GAREM1: variants seen among roughly 807,000 people sequenced by gnomAD.
GAREM1 encodes GRB2 associated regulator of MAPK1 subtype 1.
In GAREM1, 26 loss-of-function variants were observed where a neutral mutation model predicts 71.3. The ratio of observed to expected loss-of-function variants is 0.36; its 90% CI spans 0.27 to 0.51. The LOEUF (loss-of-function observed/expected upper bound fraction) is 0.51, where lower values mean the gene tolerates loss of function less well. Ranked by LOEUF, GAREM1 falls within the 20% of genes least tolerant of loss-of-function variation. The probability of loss-of-function intolerance (pLI) is 0.95; values close to 1 mark genes in which losing one functional copy is unlikely to be tolerated. For synonymous variants in GAREM1, 440 were observed against 433.2 expected (o/e 1.02, Z -0.20); for missense variants, 1,026 against 1,103.1 (o/e 0.93, Z 0.99).
intron 4 of GAREM1, among the ~76,000 whole-genome samples, chr18:32,271,770 C>T (rs2041466792): frequency 6.6e-6 from 1 of 152,174 alleles, no homozygotes; most frequent in South Asian, 2.1e-4. Context: ...CTGTGCTGTC[C>T]ATGGCTTCTC....
intron 2 of GAREM1, among the ~76,000 whole-genome samples, chr18:32,343,346 G>C (rs1260258581): frequency 1.7e-5 from 2 of 119,708 alleles, no homozygotes; most frequent in African/African-American, 6.7e-5. Flanking sequence ...ACAGAGTCTT[G>C]CTCTGTAGCC....
At chr18:32,393,855 A>C (rs1195368065) in intron 1 of GAREM1, among the ~76,000 whole-genome samples, 1 of 152,220 alleles carries the variant, frequency 6.6e-6, no homozygotes, top group African/African-American at 2.4e-5. Context: ...CATTAATCCT[A>C]GTTTAGTAAT....
At position 32,287,166 on chromosome 18, in the gene GAREM1, T is replaced by A. The variant is rs763185127; in HGVS notation, c.1431A>T (p.Arg477Ser). ...GGACAGAACCTCTAAACTGATCACA[T>A]CTGTTCTTCTCGCTCAGAGAGCGAG... ...PLTRSLSEKN[R>S]CDQFRGSVRS... Residue 477 changes from arginine (R) to serine (S), a missense_variant, in exon 4 of 6, where the codon AGA becomes AGT. This residue lies in a region of GAREM1 where 636 missense variants were observed against 631.2 expected (regional missense o/e 1.01). Coordinates refer to ENST00000269209, the MANE Select transcript of GAREM1 (RefSeq NM_001242409.2). This position sits in a 1 kb window ranked among gnomAD's most constrained non-coding sequence, Gnocchi z 5.9. The A allele has an allele frequency of 6.2e-7, 1 of 1,614,204 alleles. No individual in the cohort carries two copies. The highest frequency in any genetic ancestry group is 8.5e-7 in the Non-Finnish European group (1 of 1,180,032).
chr18:32,445,873 G>A (rs2048781481), intron 1 of GAREM1, among the ~76,000 whole-genome samples: 1 of 152,072 alleles, frequency 6.6e-6, no homozygotes, highest in African/African-American at 2.4e-5. Flanking sequence ...AAAAAATATA[G>A]GTTAAGGCAA....
At chr18:32,307,667 G>A (rs188477461) in intron 3 of GAREM1, among the ~76,000 whole-genome samples, 12 of 152,196 alleles carry the variant, frequency 7.9e-5, no homozygotes, top group African/African-American at 2.9e-4. Context: ...GGGATTAGAG[G>A]TGTGTGCCAC....
At chr18:32,314,093 T>G (rs932673296) in intron 2 of GAREM1, among the ~76,000 whole-genome samples, 9 of 150,172 alleles carry the variant, frequency 6.0e-5, no homozygotes, top group Non-Finnish European at 8.8e-5. Context: ...AAAAAAAGTT[T>G]TTTTTTTTTT....
intron 1 of GAREM1, among the ~76,000 whole-genome samples, chr18:32,446,769 A>G (rs2048789704): frequency 6.6e-6 from 1 of 152,168 alleles, no homozygotes; most frequent in Admixed American, 6.5e-5. Context: ...TGCTTCCATC[A>G]ACACTTTTTC....
intron 2 of GAREM1, among the ~76,000 whole-genome samples, chr18:32,370,937 C>T (rs2047971903): frequency 6.6e-6 from 1 of 152,126 alleles, no homozygotes; most frequent in Non-Finnish European, 1.5e-5. Context: ...CAAGCCAGAT[C>T]CTCTGACAGG....
At chr18:32,318,754 G>T (rs1193588199) in intron 2 of GAREM1, among the ~76,000 whole-genome samples, 1 of 152,120 alleles carries the variant, frequency 6.6e-6, no homozygotes, top group Non-Finnish European at 1.5e-5. Context: ...CAAATAAAAA[G>T]AAATGGAATG....
At chr18:32,346,995 C>T (rs561280037) in intron 2 of GAREM1, among the ~76,000 whole-genome samples, 1 of 152,150 alleles carries the variant, frequency 6.6e-6, no homozygotes, top group South Asian at 2.1e-4. Context: ...CACTACATTT[C>T]TGTTTGGAAA....
At chr18:32,412,030 T>C (rs2048424209) in intron 1 of GAREM1, among the ~76,000 whole-genome samples, 1 of 152,186 alleles carries the variant, frequency 6.6e-6, no homozygotes, top group African/African-American at 2.4e-5. Flanking sequence ...TGTTATACAA[T>C]TAGTCACAAA....
intron 2 of GAREM1, among the ~76,000 whole-genome samples, chr18:32,338,918 T>C (rs1293761115): frequency 1.3e-5 from 2 of 152,150 alleles, no homozygotes; most frequent in African/African-American, 4.8e-5. Context: ...CCCTCTATAA[T>C]GTGCGAGGGG....
chr18:32,458,782 A>C (rs914402303), intron 1 of GAREM1, among the ~76,000 whole-genome samples: 1 of 152,216 alleles, frequency 6.6e-6, no homozygotes, highest in Non-Finnish European at 1.5e-5. Flanking sequence ...AGGCAAAACA[A>C]AAAAAAGAAC....
At chr18:32,415,638 C>T (rs2048459263) in intron 1 of GAREM1, among the ~76,000 whole-genome samples, 1 of 152,084 alleles carries the variant, frequency 6.6e-6, no homozygotes, top group Middle Eastern at 3.4e-3. Flanking sequence ...GGTCATTTTA[C>T]TGATGCTGAA....
chr18:32,327,683 C>T (rs930505539), intron 2 of GAREM1, among the ~76,000 whole-genome samples: 4 of 152,162 alleles, frequency 2.6e-5, no homozygotes, highest in Non-Finnish European at 5.9e-5. Flanking sequence ...AAATGCACAA[C>T]GTGGTGTTCA....
chr18:32,463,191 A>G (rs1336462368), intron 1 of GAREM1, among the ~76,000 whole-genome samples: 3 of 152,184 alleles, frequency 2.0e-5, no homozygotes, highest in African/African-American at 4.8e-5. Context: ...TACTCCATAA[A>G]TATGTATTAA....
intron 1 of GAREM1, among the ~76,000 whole-genome samples, chr18:32,411,189 G>T (rs2048412730): frequency 2.0e-5 from 3 of 152,266 alleles, no homozygotes; most frequent in Admixed American, 1.3e-4. Flanking sequence ...TGTCTAATAA[G>T]AAAATGCACT....
chr18:32,318,794 G>T (rs2047404459), intron 2 of GAREM1, among the ~76,000 whole-genome samples: 2 of 152,144 alleles, frequency 1.3e-5, no homozygotes, highest in South Asian at 2.1e-4. Flanking sequence ...TCCATCTGTG[G>T]ACCCACAACT....
chr18:32,287,751 C>T lies in GAREM1; in HGVS notation c.846G>A (p.Val282=), dbSNP rs776417202. Residue 282 remains valine, a synonymous_variant, in exon 4 of 6, where the codon GTG becomes GTA. Transcript: ENST00000269209. The surrounding 1 kb of genome is among the most constrained non-coding windows in gnomAD (Gnocchi z 5.9). ...KFVNIQTKTV[V]VCCVLRNNKI... Reference sequence around the variant, plus strand: ...TGTTGTTCCGCAGCACACAGCAAACCACCACCGTCTTGGTCTGGATGTTCA... The same window carrying T: ...TGTTGTTCCGCAGCACACAGCAAACTACCACCGTCTTGGTCTGGATGTTCA... The T allele has an allele frequency of 1.9e-6, 3 of 1,613,746 alleles. No homozygotes were observed. Among genetic ancestry groups the T allele is most frequent in the East Asian group, 2.2e-5 (1 of 44,822 alleles).
Sources: allele counts gnomAD v4.1 joint callset (sites outside exome capture counted in the v4.1 genomes callset), GRCh38; gene constraint gnomAD v4.1.1; regional missense constraint gnomAD v4.1.1; non-coding constraint Gnocchi (gnomAD v3.1); transcripts MANE v1.5; gene names NCBI Gene and HGNC (gene_info 2026-07-23, HGNC 2026-07-21).